DLG2: variants seen among roughly 807,000 people sequenced by gnomAD.
DLG2 encodes the protein discs large MAGUK scaffold protein 2.
DLG2 carries 45 observed loss-of-function variants against 132.5 expected under a neutral mutation model. The observed-to-expected ratio is 0.34, with a 90% confidence interval of 0.27 to 0.44. The LOEUF (loss-of-function observed/expected upper bound fraction) is 0.44, where lower values mean the gene tolerates loss of function less well. Ranked by LOEUF, DLG2 falls within the 20% of genes least tolerant of loss-of-function variation. The pLI, the probability that DLG2 is intolerant of heterozygous loss-of-function variation, is 1.00. For synonymous variants in DLG2, 424 were observed against 419.6 expected, an observed-to-expected ratio of 1.01 and a Z score of -0.13; for missense variants, 1,045 against 1,196.9, an observed-to-expected ratio of 0.87 and a Z score of 1.87.
chr11:84,666,142 G>C (rs916279779), intron 6 of DLG2, among the ~76,000 whole-genome samples: 1 of 152,066 alleles, frequency 6.6e-6, no homozygotes, highest in African/African-American at 2.4e-5. Context: ...ATTATCCTGG[G>C]TGTTTCTGTA....
intron 3 of DLG2, among the ~76,000 whole-genome samples, chr11:85,355,065 A>G (rs1035834129): frequency 1.3e-5 from 2 of 152,156 alleles, no homozygotes; most frequent in Non-Finnish European, 2.9e-5. Context: ...TATTTATAAT[A>G]TGCCATTTAA....
intron 6 of DLG2, among the ~76,000 whole-genome samples, chr11:84,601,039 T>C (rs2099575555): frequency 1.3e-5 from 2 of 152,178 alleles, no homozygotes; most frequent in Admixed American, 6.5e-5. Context: ...TCATTGTGTT[T>C]GGATTATATG....
At chr11:83,891,154 G>A (rs61901778) in intron 15 of DLG2, among the ~76,000 whole-genome samples, 14,668 of 152,144 alleles carry the variant, frequency 0.096, 846 homozygotes, top group Middle Eastern at 0.2. Flanking sequence ...TTCATATGAA[G>A]CCATGGATAT....
At chr11:84,956,338 T>C (rs978471683) in intron 6 of DLG2, among the ~76,000 whole-genome samples, 5 of 152,218 alleles carry the variant, frequency 3.3e-5, no homozygotes, top group African/African-American at 1.2e-4. Flanking sequence ...TTGGAGACGA[T>C]CTATCCTAAA....
chr11:84,438,486 T>TA (rs57313257), intron 7 of DLG2, among the ~76,000 whole-genome samples: 24,304 of 151,882 alleles, frequency 0.16, 3,694 homozygotes, highest in African/African-American at 0.4. Flanking sequence ...AAATAAAAAA[T>TA]AAAAAAACCC....
chr11:83,910,221 G>A (rs1451326765), intron 15 of DLG2, among the ~76,000 whole-genome samples: 2 of 152,144 alleles, frequency 1.3e-5, no homozygotes, highest in Admixed American at 1.3e-4. Context: ...AAGTTAATGT[G>A]CATTGCAAAA....
rs150778195 is a variant in DLG2, at chr11:83,668,868, T to TATATATA, written c.1826-35544_1826-35543insTATATAT. 2.7e-4 allele frequency among the ~76,000 whole-genome samples: 17 copies of TATATATA among 61,950 alleles called. 1 individual carries two copies. The highest frequency in any genetic ancestry group is 1.6e-3 in the African/African-American group (17 of 10,596). 40.6% of individuals were successfully genotyped at this position (61,950 alleles called of 152,430 possible). ...ACACACACATATATATATATATATA[T>TATATATA]TTTTTTTTTATGATAGACTATGAGC... On this transcript the variant is annotated intron_variant, in intron 18 of 27. Transcript: ENST00000376104.
At chr11:85,133,332 C>G (rs1321074044) in intron 5 of DLG2, among the ~76,000 whole-genome samples, 1 of 152,254 alleles carries the variant, frequency 6.6e-6, no homozygotes, top group African/African-American at 2.4e-5. Context: ...GCCAGAATAG[C>G]GGCTTTGGAT....
intron 18 of DLG2, among the ~76,000 whole-genome samples, chr11:83,704,122 A>G (rs1034280128): frequency 6.6e-6 from 1 of 152,190 alleles, no homozygotes; most frequent in African/African-American, 2.4e-5. Context: ...AAAAATCCCA[A>G]TAAAATATCC....
At chr11:84,600,982 T>C (rs1302987467) in intron 6 of DLG2, among the ~76,000 whole-genome samples, 1 of 152,160 alleles carries the variant, frequency 6.6e-6, no homozygotes, top group Non-Finnish European at 1.5e-5. Flanking sequence ...AAGCTTACAG[T>C]AGAGAATAAT....
chr11:84,013,664 C>T (rs1331985793), intron 11 of DLG2, among the ~76,000 whole-genome samples: 2 of 151,780 alleles, frequency 1.3e-5, no homozygotes, highest in Admixed American at 6.6e-5. Context: ...GTCAGAAGTT[C>T]GAGATCAGCC....
At chr11:83,619,504 C>T (rs1469446087) in intron 19 of DLG2, among the ~76,000 whole-genome samples, 2 of 152,164 alleles carry the variant, frequency 1.3e-5, no homozygotes, top group African/African-American at 4.8e-5. Context: ...ATAACTTCAG[C>T]TATCTAACCT....
intron 7 of DLG2, among the ~76,000 whole-genome samples, chr11:84,491,816 T>C (rs1025040459): frequency 2.6e-5 from 4 of 152,200 alleles, no homozygotes; most frequent in Non-Finnish European, 5.9e-5. Flanking sequence ...ATGCTCACAC[T>C]GTGAATGTTA....
At chr11:83,624,592 C>T (rs1446032338) in intron 19 of DLG2, among the ~76,000 whole-genome samples, 1 of 152,142 alleles carries the variant, frequency 6.6e-6, no homozygotes, top group Non-Finnish European at 1.5e-5. Flanking sequence ...GTACTTGAAG[C>T]AATAAAAGGA....
intron 7 of DLG2, among the ~76,000 whole-genome samples, chr11:84,261,030 A>G (rs895086526): frequency 6.6e-6 from 1 of 152,228 alleles, no homozygotes; most frequent in African/African-American, 2.4e-5. Context: ...CCATGTGGAT[A>G]CCATCTGTTC....
chr11:84,243,017 C>A (rs201652657), intron 8 of DLG2, among the ~76,000 whole-genome samples: 258 of 142,194 alleles, frequency 1.8e-3, no homozygotes, highest in East Asian at 4.2e-3. Context: ...CTCTCTCTCT[C>A]TATATATATA....
chr11:83,616,723 T>C (rs560313862), intron 19 of DLG2, among the ~76,000 whole-genome samples: 1 of 152,316 alleles, frequency 6.6e-6, no homozygotes, highest in East Asian at 1.9e-4. Flanking sequence ...TCTTTGCCTA[T>C]CACACACTTA....
intron 7 of DLG2, among the ~76,000 whole-genome samples, chr11:84,511,659 A>C (rs1425848086): frequency 6.6e-6 from 1 of 152,186 alleles, no homozygotes; most frequent in Non-Finnish European, 1.5e-5. Context: ...TAACATCAAA[A>C]ACAATCTTAA....
intron 6 of DLG2, among the ~76,000 whole-genome samples, chr11:84,828,449 A>C (rs2078617693): frequency 6.6e-6 from 1 of 151,862 alleles, no homozygotes; most frequent in East Asian, 1.9e-4. Context: ...AGACAGTAGA[A>C]AGAAATGAAA....
Sources: gnomAD v4.1 joint callset for allele counts (sites outside exome capture counted in the v4.1 genomes callset) on GRCh38, gnomAD v4.1.1 for gene constraint, MANE v1.5 for transcripts, NCBI Gene and HGNC (gene_info 2026-07-23, HGNC 2026-07-21) for gene names.